Variants in EXOC6 observed in about 807,000 individuals in gnomAD.
The protein encoded by EXOC6 is SEC15-like 1.
In EXOC6, 60 loss-of-function variants were observed where a neutral mutation model predicts 112.5. That is an observed-to-expected ratio of 0.53 (90% confidence interval 0.43 to 0.66). EXOC6 has a LOEUF of 0.66. Among genes scored for constraint, EXOC6 ranks in the 30% least tolerant of loss-of-function variants. The pLI is 0.00. For synonymous variants in EXOC6, 295 were observed against 308.0 expected, an observed-to-expected ratio of 0.96 and a Z score of 0.44; for missense variants, 855 against 957.1, an observed-to-expected ratio of 0.89 and a Z score of 1.41.
intron 1 of EXOC6, among the ~76,000 whole-genome samples, chr10:92,882,281 C>T (rs889405739): frequency 2.6e-5 from 4 of 151,910 alleles, no homozygotes; most frequent in Non-Finnish European, 4.4e-5. Flanking sequence ...CAGTGGCTCA[C>T]GGCTGTAATC....
intron 20 of EXOC6, among the ~76,000 whole-genome samples, chr10:93,056,650 ATAT>A (rs1697311254): frequency 6.6e-4 from 2 of 3,046 alleles, no homozygotes; most frequent in Admixed American, 4.1e-3. Flanking sequence ...GGGTTAATAT[ATAT>A]TATATTAACA....
At chr10:92,940,438 C>A (rs1211547796) in intron 12 of EXOC6, among the ~76,000 whole-genome samples, 2 of 152,038 alleles carry the variant, frequency 1.3e-5, no homozygotes, top group African/African-American at 4.8e-5. Flanking sequence ...GAATTTTTTC[C>A]TCCAGCTCTG....
chr10:92,882,408 A>G (rs1849010799), intron 1 of EXOC6, among the ~76,000 whole-genome samples: 2 of 151,862 alleles, frequency 1.3e-5, no homozygotes, highest in South Asian at 4.1e-4. Context: ...GCCAGGCATG[A>G]TGGCAGGTGC....
At chr10:93,017,651 T>G (rs965286036) in intron 20 of EXOC6, among the ~76,000 whole-genome samples, 1 of 151,976 alleles carries the variant, frequency 6.6e-6, no homozygotes, top group African/African-American at 2.4e-5. Context: ...TACACTAAAA[T>G]CTCAGACTTC....
intron 20 of EXOC6, among the ~76,000 whole-genome samples, chr10:93,031,740 T>G (rs541301209): frequency 4.3e-4 from 66 of 152,246 alleles, no homozygotes; most frequent in African/African-American, 1.5e-3. Flanking sequence ...CTTGAACTGC[T>G]GACCTCAGGT....
At chr10:92,834,405 T>A (rs775992896), upstream of EXOC6, among the ~76,000 whole-genome samples, 6 of 152,336 alleles carry the variant, frequency 3.9e-5, no homozygotes, top group Non-Finnish European at 7.3e-5. Context: ...TATAGTGTAA[T>A]GACTGTAATT....
At chr10:92,835,662 A>T (rs1212568352) in intron 1 of EXOC6, among the ~76,000 whole-genome samples, 2 of 152,180 alleles carry the variant, frequency 1.3e-5, no homozygotes, top group Non-Finnish European at 2.9e-5. Flanking sequence ...TTCTAAATCC[A>T]CTAAAGTTTA....
chr10:93,033,955 G>T (rs1163327927), intron 20 of EXOC6, among the ~76,000 whole-genome samples: 1 of 152,206 alleles, frequency 6.6e-6, no homozygotes, highest in African/African-American at 2.4e-5. Flanking sequence ...TGAATGACTT[G>T]TTGACAAGAA....
At chr10:93,010,278 GA>G (rs1322784424) in intron 19 of EXOC6, among the ~76,000 whole-genome samples, 3 of 152,174 alleles carry the variant, frequency 2.0e-5, no homozygotes, top group Admixed American at 6.5e-5. Flanking sequence ...AGATTCTTAT[GA>G]GAGATGTGAT....
At chr10:92,929,182 G>C (rs984248250) in intron 9 of EXOC6, among the ~76,000 whole-genome samples, 2 of 152,182 alleles carry the variant, frequency 1.3e-5, no homozygotes, top group Non-Finnish European at 2.9e-5. Context: ...ATGAGCTAGA[G>C]ATAAAACCAT....
intron 17 of EXOC6, among the ~76,000 whole-genome samples, chr10:92,960,313 A>C (rs551300267): frequency 3.9e-5 from 6 of 152,334 alleles, no homozygotes; most frequent in African/African-American, 1.4e-4. Flanking sequence ...AGAGAAAGCT[A>C]TGGAGGCAAT....
intron 1 of EXOC6, among the ~76,000 whole-genome samples, chr10:92,861,541 T>C (rs1288412845): frequency 5.3e-5 from 8 of 152,180 alleles, no homozygotes; most frequent in African/African-American, 1.9e-4. Flanking sequence ...CACCTTTTTT[T>C]TTTAGCCTCT....
At chr10:92,896,964 A>G (rs1417420089) in intron 4 of EXOC6, among the ~76,000 whole-genome samples, 1 of 152,198 alleles carries the variant, frequency 6.6e-6, no homozygotes, top group African/African-American at 2.4e-5. Flanking sequence ...CTTTGAGTAA[A>G]TAAAATGTTG....
intron 15 of EXOC6, among the ~76,000 whole-genome samples, chr10:92,953,992 C>A (rs907230641): frequency 2.0e-5 from 3 of 152,040 alleles, no homozygotes; most frequent in Non-Finnish European, 4.4e-5. Flanking sequence ...AAGTGACTGT[C>A]TTTTGGGGCT....
At chr10:92,829,379 G>A (rs1486630439) in intron 1 of EXOC6, among the ~76,000 whole-genome samples, 1 of 152,202 alleles carries the variant, frequency 6.6e-6, no homozygotes, top group Non-Finnish European at 1.5e-5. Flanking sequence ...CTCAGGAGAG[G>A]AAGCTGTTCT....
At chr10:92,955,895 T>C (rs537316716) in intron 17 of EXOC6, among the ~76,000 whole-genome samples, 181 bp downstream of exon 17, 176 of 152,294 alleles carry the variant, frequency 1.2e-3, no homozygotes, top group African/African-American at 4.1e-3. Context: ...AACATCTTAT[T>C]AACATGGAGA....
intron 8 of EXOC6, among the ~76,000 whole-genome samples, chr10:92,921,017 G>A (rs112326665): frequency 6.6e-6 from 1 of 152,038 alleles, no homozygotes; most frequent in African/African-American, 2.4e-5. Context: ...ACATAGTTCA[G>A]TCTGTTTTTT....
chr10:93,052,729 GAAGA>G (rs1272677147), intron 20 of EXOC6, among the ~76,000 whole-genome samples: 2 of 152,120 alleles, frequency 1.3e-5, no homozygotes, highest in African/African-American at 2.4e-5. Context: ...TTGACTATTG[GAAGA>G]AACCCATTTA....
chr10:92,952,973 A>G (rs1249131151), intron 15 of EXOC6, among the ~76,000 whole-genome samples: 1 of 152,200 alleles, frequency 6.6e-6, no homozygotes, highest in East Asian at 1.9e-4. Context: ...ACATATGGGT[A>G]CATGTGTCTT....
Sources: gnomAD v4.1 joint callset for allele counts (sites outside exome capture counted in the v4.1 genomes callset) on GRCh38, gnomAD v4.1.1 for gene constraint, MANE v1.5 for transcripts, NCBI Gene and HGNC (gene_info 2026-07-23, HGNC 2026-07-21) for gene names.